Variants in GXYLT2 observed in about 807,000 individuals in gnomAD.
GXYLT2 encodes glucoside xylosyltransferase 2, also known as glycosyltransferase 8 domain containing 4.
Under a neutral mutation model 45.8 loss-of-function variants are expected in GXYLT2, and 53 were observed. The ratio of observed to expected loss-of-function variants is 1.16; its 90% CI spans 0.93 to 1.46. The LOEUF is 1.46. GXYLT2 is among the 40% of genes most tolerant of loss of function. The pLI, the probability that GXYLT2 is intolerant of heterozygous loss-of-function variation, is 0.00. For synonymous variants in GXYLT2, 219 were observed against 214.2 expected, an observed-to-expected ratio of 1.02 and a Z score of -0.19; for missense variants, 551 against 544.4, an observed-to-expected ratio of 1.01 and a Z score of -0.12.
At chr3:72,894,367 G>T (rs1709241342) in intron 1 of GXYLT2, among the ~76,000 whole-genome samples, 1 of 152,180 alleles carries the variant, frequency 6.6e-6, no homozygotes, top group Admixed American at 6.5e-5. Flanking sequence ...GAATAGTTGG[G>T]TGGGGGCACC....
intron 2 of GXYLT2, among the ~76,000 whole-genome samples, chr3:72,915,697 G>C (rs1709728886): frequency 1.3e-5 from 2 of 152,154 alleles, no homozygotes; most frequent in South Asian, 4.1e-4. Flanking sequence ...ATTAGCCCAT[G>C]TTGTGGCATG....
Position 72,975,725 on chromosome 3 carries a change from C to CT in GXYLT2, c.*567dup, listed in dbSNP as rs940291304. The CT allele has an allele frequency of 2.6e-5, 4 of 152,146 alleles. No homozygotes were observed. The highest frequency in any genetic ancestry group is 9.7e-5 in the African/African-American group (4 of 41,414). The allele number at this position is 152,146 out of a possible 1,614,324, so 9.4% of individuals were successfully genotyped here. A position where few individuals can be genotyped will look rare whatever the true frequency, so the allele number is the denominator to read the frequency against. ...TTTCTCTACTTTTGCATTTTCCACT[C>CT]TAACACACATCTAAAACAGGTAATC... On this transcript the variant is annotated 3_prime_UTR_variant, in exon 7 of 7. Transcript: ENST00000389617.
intron 5 of GXYLT2, among the ~76,000 whole-genome samples, chr3:72,964,293 T>G (rs1308654550): frequency 6.6e-6 from 1 of 152,076 alleles, no homozygotes; most frequent in East Asian, 1.9e-4. Context: ...CTAAGGAGGT[T>G]GCAAAGAGAG....
At chr3:72,945,452 C>T (rs1274003440) in intron 3 of GXYLT2, among the ~76,000 whole-genome samples, 1 of 152,158 alleles carries the variant, frequency 6.6e-6, no homozygotes, top group East Asian at 1.9e-4. Context: ...CAGAAGATCC[C>T]AGCCCTCAAG....
At chr3:72,941,486 C>T (rs1710297476) in intron 3 of GXYLT2, among the ~76,000 whole-genome samples, 1 of 152,196 alleles carries the variant, frequency 6.6e-6, no homozygotes, top group African/African-American at 2.4e-5. Context: ...ATGCTGTGCA[C>T]ATTACCCTCT....
chr3:72,956,147 A>G (rs906420025), intron 4 of GXYLT2, among the ~76,000 whole-genome samples: 1 of 152,092 alleles, frequency 6.6e-6, no homozygotes, highest in Non-Finnish European at 1.5e-5. Flanking sequence ...GCTACTTGGG[A>G]GGCTGAGATG....
intron 2 of GXYLT2, among the ~76,000 whole-genome samples, chr3:72,916,806 G>C (rs1709752665): frequency 6.6e-6 from 1 of 151,572 alleles, no homozygotes; most frequent in Non-Finnish European, 1.5e-5. Flanking sequence ...ACAGATGTGA[G>C]CCACCTCGCC....
intron 1 of GXYLT2, among the ~76,000 whole-genome samples, chr3:72,899,936 GT>G (rs1412691320): frequency 6.6e-6 from 1 of 152,130 alleles, no homozygotes; most frequent in East Asian, 1.9e-4. Context: ...AACAGCATGG[GT>G]TAGGGCTGTA....
intron 2 of GXYLT2, among the ~76,000 whole-genome samples, chr3:72,910,399 C>G (rs1161237306): frequency 2.6e-5 from 4 of 152,186 alleles, no homozygotes; most frequent in Non-Finnish European, 5.9e-5. Context: ...CTCACCTCCA[C>G]TATGTACTTG....
At chr3:72,891,484 G>C (rs1709182053) in intron 1 of GXYLT2, among the ~76,000 whole-genome samples, 1 of 152,180 alleles carries the variant, frequency 6.6e-6, no homozygotes, top group African/African-American at 2.4e-5. Flanking sequence ...TATGCAATCT[G>C]CCCTGTGGTG....
At chr3:72,912,339 G>A (rs1442741345) in intron 2 of GXYLT2, among the ~76,000 whole-genome samples, 3 of 151,848 alleles carry the variant, frequency 2.0e-5, no homozygotes, top group Admixed American at 2.0e-4. Context: ...TTGTAGAGAT[G>A]CGGTCTCCCT....
chr3:72,948,962 T>C (rs1386210948), intron 3 of GXYLT2, among the ~76,000 whole-genome samples: 1 of 151,992 alleles, frequency 6.6e-6, no homozygotes, highest in African/African-American at 2.4e-5. Context: ...TCATGGTGCC[T>C]TGGACTTCGG....
rs1284881475 is a variant in GXYLT2, at chr3:72,888,295, C to T, written c.62C>T (p.Ala21Val). 1.0e-6 allele frequency: 1 copy of T among 992,392 alleles called. No individual in the cohort carries two copies. Among genetic ancestry groups the T allele is most frequent in the African/African-American group, 1.8e-5 (1 of 56,850 alleles). The allele number at this position is 992,392 out of a possible 1,614,324, so 61.5% of individuals were successfully genotyped here. ...LLLALAALLL[A>V]LLSLRAGRAE... is the part of the protein sequence containing the mutation. Reference sequence around the variant, plus strand: ...CTCGCGCTGGCCGCGCTGCTGCTGGCGCTGCTGTCCCTGCGCGCTGGCCGC... The same window carrying T: ...CTCGCGCTGGCCGCGCTGCTGCTGGTGCTGCTGTCCCTGCGCGCTGGCCGC... Residue 21 changes from alanine (A) to valine (V), a missense_variant, in exon 1 of 7, where the codon GCG becomes GTG. Transcript: ENST00000389617.
At chr3:72,969,270 G>A (rs986667598) in intron 6 of GXYLT2, among the ~76,000 whole-genome samples, 2 of 147,320 alleles carry the variant, frequency 1.4e-5, no homozygotes, top group African/African-American at 2.5e-5. Flanking sequence ...GCCTCATGCT[G>A]TAATCTGAGT....
chr3:72,937,570 A>G (rs1243183681), intron 3 of GXYLT2, among the ~76,000 whole-genome samples: 7 of 152,206 alleles, frequency 4.6e-5, no homozygotes, highest in Admixed American at 4.6e-4. Context: ...AATTGAGGAA[A>G]ACTAAATCCT....
intron 3 of GXYLT2, among the ~76,000 whole-genome samples, chr3:72,928,506 T>C (rs1377651731): frequency 1.3e-5 from 2 of 152,218 alleles, no homozygotes; most frequent in East Asian, 1.9e-4. Flanking sequence ...TTCTTATTGC[T>C]ACTAGCTAGC....
intron 5 of GXYLT2, among the ~76,000 whole-genome samples, chr3:72,960,204 A>C (rs1710743059): frequency 6.6e-6 from 1 of 152,154 alleles, no homozygotes; most frequent in Non-Finnish European, 1.5e-5. Context: ...TATAGGCGTG[A>C]GCCACCACAC....
At chr3:72,910,321 C>A (rs17010250) in intron 2 of GXYLT2, among the ~76,000 whole-genome samples, 1 of 151,992 alleles carries the variant, frequency 6.6e-6, no homozygotes. Context: ...ATGGCTCACC[C>A]TTCCATGGAA....
At chr3:72,941,705 G>T (rs1210043835) in intron 3 of GXYLT2, among the ~76,000 whole-genome samples, 1 of 151,796 alleles carries the variant, frequency 6.6e-6, no homozygotes, top group Non-Finnish European at 1.5e-5. Flanking sequence ...TGTCAATGTG[G>T]ACTCATGTTT....
Sources: allele counts gnomAD v4.1 joint callset (sites outside exome capture counted in the v4.1 genomes callset), GRCh38; gene constraint gnomAD v4.1.1; transcripts MANE v1.5; gene names NCBI Gene and HGNC (gene_info 2026-07-23, HGNC 2026-07-21).